The following ITGA9 variants were observed in gnomAD, a reference collection of about 807,000 sequenced individuals.
ITGA9 encodes integrin subunit alpha 9.
ITGA9 carries 56 observed loss-of-function variants against 127.8 expected under a neutral mutation model. The ratio of observed to expected loss-of-function variants is 0.44; its 90% CI spans 0.35 to 0.55. ITGA9 has a LOEUF of 0.55. ITGA9 is among the 20% of genes least tolerant of loss of function. The probability of loss-of-function intolerance (pLI) is 0.00; values close to 1 mark genes in which losing one functional copy is unlikely to be tolerated. For synonymous variants in ITGA9, 508 were observed against 514.5 expected (o/e 0.99, Z 0.17); for missense variants, 1,196 against 1,347.1 (o/e 0.89, Z 1.76).
At chr3:37,664,777 G>A (rs559244992) in intron 17 of ITGA9, among the ~76,000 whole-genome samples, 1 of 151,994 alleles carries the variant, frequency 6.6e-6, no homozygotes, top group South Asian at 2.1e-4. Flanking sequence ...GTGAGCTTAC[G>A]GCTGGCATGC....
chr3:37,506,860 T>C (rs1012234998), intron 7 of ITGA9, among the ~76,000 whole-genome samples: 4 of 152,138 alleles, frequency 2.6e-5, no homozygotes, highest in Non-Finnish European at 5.9e-5. Flanking sequence ...CCTTTAGGGG[T>C]AGACCTGTGA....
chr3:37,546,415 C>T (rs1426469794), intron 15 of ITGA9, among the ~76,000 whole-genome samples: 1 of 152,192 alleles, frequency 6.6e-6, no homozygotes, highest in East Asian at 1.9e-4. Context: ...CAGAGTCATG[C>T]CTATGTGCCA....
chr3:37,511,053 A>G (rs971490745), intron 8 of ITGA9, among the ~76,000 whole-genome samples: 1 of 152,210 alleles, frequency 6.6e-6, no homozygotes, highest in African/African-American at 2.4e-5. Flanking sequence ...ATTTATCCCT[A>G]TGTCCAGAGT....
chr3:37,468,485 T>C (rs1213702342), intron 1 of ITGA9, among the ~76,000 whole-genome samples: 1 of 152,182 alleles, frequency 6.6e-6, no homozygotes, highest in Non-Finnish European at 1.5e-5. Context: ...TTGTGATATC[T>C]GCCAGCCTTT....
At chr3:37,494,734 C>A (rs267523) in intron 5 of ITGA9, among the ~76,000 whole-genome samples, 166 bp downstream of exon 5, 88,231 of 151,938 alleles carry the variant, frequency 0.58, 25,993 homozygotes, top group East Asian at 0.83. Flanking sequence ...TCTACCTGCC[C>A]GGAGGGCACC....
chr3:37,716,785 T>C (rs1247749944), intron 18 of ITGA9, among the ~76,000 whole-genome samples: 1 of 152,006 alleles, frequency 6.6e-6, no homozygotes, highest in African/African-American at 2.4e-5. Flanking sequence ...AGCTGGCCCA[T>C]TAACTGAAAA....
chr3:37,805,932 C>G (rs1697290277), intron 27 of ITGA9: 1 of 152,118 alleles, frequency 6.6e-6, no homozygotes, highest in South Asian at 2.1e-4. Flanking sequence ...CTTAGCCTCC[C>G]AAAGTGCTGG....
chr3:37,486,301 G>A (rs1478396561), intron 4 of ITGA9, among the ~76,000 whole-genome samples: 1 of 152,224 alleles, frequency 6.6e-6, no homozygotes, highest in Non-Finnish European at 1.5e-5. Flanking sequence ...GCCATGGTAT[G>A]TTAGACCTAA....
At chr3:37,771,278 G>A (rs898616518) in intron 23 of ITGA9, among the ~76,000 whole-genome samples, 41 of 152,202 alleles carry the variant, frequency 2.7e-4, no homozygotes, top group Admixed American at 6.5e-4. Flanking sequence ...AAAGCATCAT[G>A]TCCCCTTGAC....
At chr3:37,533,221 A>C in intron 13 of ITGA9, 93 bp from the exon 14 acceptor site, 1 of 1,127,448 alleles carries the variant, frequency 8.9e-7, no homozygotes, top group Non-Finnish European at 1.4e-6. Flanking sequence ...GCTGGGTTGA[A>C]GGCCTAGGAT....
chr3:37,591,724 A>G (rs1294002932), intron 15 of ITGA9, among the ~76,000 whole-genome samples: 1 of 152,176 alleles, frequency 6.6e-6, no homozygotes, highest in Non-Finnish European at 1.5e-5. Flanking sequence ...GATTAGGGAA[A>G]TGTCTCTGGC....
intron 16 of ITGA9, among the ~76,000 whole-genome samples, chr3:37,637,069 C>T (rs1434163487): frequency 3.9e-5 from 6 of 152,144 alleles, no homozygotes; most frequent in South Asian, 2.1e-4. Context: ...GGTAGCGTGA[C>T]GCCTCCAGCT....
intron 15 of ITGA9, among the ~76,000 whole-genome samples, chr3:37,584,063 A>G (rs918386454): frequency 1.3e-5 from 2 of 152,216 alleles, no homozygotes. Context: ...TTAGTCAGCT[A>G]TTGCCACATA....
At position 37,818,990 on chromosome 3, in the gene ITGA9, G is replaced by A. The variant is rs754808283; in HGVS notation, c.*1G>A. The A allele has an allele frequency of 3.1e-6, 5 of 1,596,704 alleles. 1 individual carries two copies. The highest frequency in any genetic ancestry group is 2.6e-6 in the Non-Finnish European group (3 of 1,164,366). On this transcript the variant is annotated 3_prime_UTR_variant, in exon 28 of 28. Transcript: ENST00000264741. ...GGACTGGGTCCAGAAAAACCAGTGAGCTGCCACACCAGTCACATGACCTGA... is the reference window on the plus strand; with the variant it reads ...GGACTGGGTCCAGAAAAACCAGTGAACTGCCACACCAGTCACATGACCTGA...
chr3:37,542,713 T>A (rs991967806), intron 15 of ITGA9, 128 bp downstream of exon 15: 2 of 921,478 alleles, frequency 2.2e-6, no homozygotes, highest in Non-Finnish European at 3.4e-6. Flanking sequence ...GGGAGGAGCA[T>A]ATCCATTTCT....
intron 13 of ITGA9, among the ~76,000 whole-genome samples, chr3:37,532,562 A>G (rs1699162806): frequency 6.6e-6 from 1 of 152,210 alleles, no homozygotes; most frequent in African/African-American, 2.4e-5. Flanking sequence ...GCCTGAGCAG[A>G]TGTCTGCAGT....
chr3:37,637,666 TG>T (rs1700293795), intron 16 of ITGA9, among the ~76,000 whole-genome samples: 1 of 148,532 alleles, frequency 6.7e-6, no homozygotes, highest in Non-Finnish European at 1.5e-5. Flanking sequence ...ACTATGTTTT[TG>T]TTTTTGTTTT....
chr3:37,464,600 C>T (rs1037179382), intron 1 of ITGA9, among the ~76,000 whole-genome samples: 2 of 152,218 alleles, frequency 1.3e-5, no homozygotes, highest in Non-Finnish European at 2.9e-5. Context: ...AGAGACACAG[C>T]TTGTCAGCAG....
chr3:37,503,958 A>G (rs1381599529), intron 6 of ITGA9, among the ~76,000 whole-genome samples: 4 of 152,238 alleles, frequency 2.6e-5, no homozygotes, highest in Non-Finnish European at 5.9e-5. Flanking sequence ...CCTAAATGCT[A>G]TAATTCTGGA....
Sources: gnomAD v4.1 joint callset for allele counts (sites outside exome capture counted in the v4.1 genomes callset) on GRCh38, gnomAD v4.1.1 for gene constraint, MANE v1.5 for transcripts, NCBI Gene and HGNC (gene_info 2026-07-23, HGNC 2026-07-21) for gene names.